The following ERBB4 variants were observed in gnomAD, a reference collection of about 807,000 sequenced individuals.
ERBB4 encodes erb-b2 receptor tyrosine kinase 4.
ERBB4 carries 42 observed loss-of-function variants against 158.0 expected under a neutral mutation model. The observed-to-expected ratio is 0.27, with a 90% CI of 0.21 to 0.34. The LOEUF is 0.34. ERBB4 is among the 10% of genes least tolerant of loss of function. The pLI is 1.00. For synonymous variants in ERBB4, 583 were observed against 558.7 expected (o/e 1.04, Z -0.61); for missense variants, 1,333 against 1,624.1 (o/e 0.82, Z 3.08).
chr2:212,270,768 G>C (rs771432535), intron 1 of ERBB4, among the ~76,000 whole-genome samples: 1 of 151,792 alleles, frequency 6.6e-6, no homozygotes, highest in Admixed American at 6.6e-5. Context: ...TTCAGGGAGA[G>C]AGAAAGCGGG....
chr2:212,317,976 T>C (rs920014426), intron 1 of ERBB4, among the ~76,000 whole-genome samples: 11 of 151,670 alleles, frequency 7.3e-5, no homozygotes, highest in African/African-American at 2.7e-4. Context: ...CAAAACTATA[T>C]GCTTTATCCT....
At chr2:212,189,621 T>C (rs1464984713) in intron 1 of ERBB4, among the ~76,000 whole-genome samples, 3 of 152,178 alleles carry the variant, frequency 2.0e-5, no homozygotes, top group Non-Finnish European at 4.4e-5. Flanking sequence ...TTCATGCCAA[T>C]AAGGGCCTAG....
chr2:211,904,897 C>T (rs563401858), intron 3 of ERBB4, among the ~76,000 whole-genome samples: 9 of 152,100 alleles, frequency 5.9e-5, no homozygotes, highest in Non-Finnish European at 8.8e-5. Context: ...TGTTTATGGT[C>T]AGCATTAGTA....
At chr2:211,772,947 A>ATTT (rs1196602124) in intron 4 of ERBB4, among the ~76,000 whole-genome samples, 2 of 81,774 alleles carry the variant, frequency 2.4e-5, no homozygotes, top group Non-Finnish European at 4.3e-5. Flanking sequence ...ATATATATAT[A>ATTT]TATATATATT....
chr2:212,069,953 A>T (rs1424567276), intron 2 of ERBB4, among the ~76,000 whole-genome samples: 2 of 131,748 alleles, frequency 1.5e-5, no homozygotes, highest in African/African-American at 5.0e-5. Flanking sequence ...ACCATGTCTT[A>T]AAAAAAAGAA....
chr2:212,288,338 T>C lies in ERBB4; in HGVS notation c.83-163435A>G, dbSNP rs559243064. Among the ~76,000 whole-genome samples the C allele has an allele frequency of 2.0e-5, 3 of 152,204 alleles. No individual in the cohort carries two copies. The East Asian group carries it at 5.8e-4, about 30-fold the overall frequency. On this transcript the variant is annotated intron_variant, in intron 1 of 27. Transcript: ENST00000342788. ...TTAGTGTTTCAAGGAGAGAAAATAT[T>C]ACGAGGGCTCTATCTAAGGAAAATG...
At chr2:212,267,431 A>G (rs1462725652) in intron 1 of ERBB4, among the ~76,000 whole-genome samples, 2 of 151,810 alleles carry the variant, frequency 1.3e-5, no homozygotes, top group Admixed American at 6.6e-5. Flanking sequence ...TCTGTGACCT[A>G]TATTTGAATA....
chr2:211,781,341 T>A (rs1265916604), intron 4 of ERBB4, among the ~76,000 whole-genome samples: 2 of 152,198 alleles, frequency 1.3e-5, no homozygotes, highest in African/African-American at 4.8e-5. Flanking sequence ...AAGTAATTAG[T>A]CCTGGAATTA....
intron 20 of ERBB4, among the ~76,000 whole-genome samples, chr2:211,510,686 T>C (rs1398325310): frequency 1.3e-5 from 2 of 152,126 alleles, no homozygotes; most frequent in African/African-American, 2.4e-5. Flanking sequence ...TGTATGATTA[T>C]TAAAAGTCAT....
At chr2:212,302,034 C>G (rs1033102647) in intron 1 of ERBB4, among the ~76,000 whole-genome samples, 9 of 151,332 alleles carry the variant, frequency 5.9e-5, no homozygotes, top group Non-Finnish European at 8.9e-5. Flanking sequence ...TTGATACACT[C>G]TCATTATAAC....
At chr2:212,328,699 C>T (rs2087983330) in intron 1 of ERBB4, among the ~76,000 whole-genome samples, 1 of 152,008 alleles carries the variant, frequency 6.6e-6, no homozygotes, top group Non-Finnish European at 1.5e-5. Context: ...TATTCTGATA[C>T]ACTTCAAGAA....
intron 1 of ERBB4, among the ~76,000 whole-genome samples, chr2:212,227,749 A>C (rs1521642): frequency 0.45 from 67,668 of 151,940 alleles, 17,059 homozygotes; most frequent in East Asian, 0.76. Flanking sequence ...TTTTATCAAT[A>C]TAGACTTTTA....
chr2:211,852,125 T>C (rs2077734872), intron 3 of ERBB4, among the ~76,000 whole-genome samples: 1 of 151,976 alleles, frequency 6.6e-6, no homozygotes, highest in South Asian at 2.1e-4. Flanking sequence ...CTTTTGGGCT[T>C]TGAATGCTTC....
At chr2:212,460,567 G>T (rs984027519) in intron 1 of ERBB4, among the ~76,000 whole-genome samples, 1 of 152,152 alleles carries the variant, frequency 6.6e-6, no homozygotes, top group Non-Finnish European at 1.5e-5. Flanking sequence ...TTTTGCCCCT[G>T]CCCTAGAGAT....
rs2075873484 is a variant in ERBB4 at position 211,776,294 on chromosome 2, A to G, written c.556+11731T>C. On this transcript the variant is annotated intron_variant, in intron 4 of 27. Coordinates refer to ENST00000342788, the MANE Select transcript of ERBB4 (RefSeq NM_005235.3). ...CGAGTTCTATTAGCTTGTGTTAATC[A>G]TATGGCTGTGGTGGCTGGCATGAAG... is the stretch of plus-strand genomic sequence containing the variant. Among the ~76,000 whole-genome samples, 3 of 152,218 alleles carry G rather than the reference A, an allele frequency of 2.0e-5. 1 individual carries two copies.
chr2:211,859,288 T>TA lies in ERBB4; in HGVS notation c.422-71130dup, dbSNP rs558802357. 2.8e-3 allele frequency among the ~76,000 whole-genome samples: 423 copies of TA among 152,318 alleles called. 2 individuals are homozygous for TA. The highest frequency in any genetic ancestry group is 9.9e-3 in the African/African-American group (410 of 41,584). Reference sequence around the variant, plus strand: ...AATCTCTTTCTCTAGAAAAAGTCTTTAGATAAAGGCAGTTCACAAATATAT... The same window carrying TA: ...AATCTCTTTCTCTAGAAAAAGTCTTTAAGATAAAGGCAGTTCACAAATATAT... On this transcript the variant is annotated intron_variant, in intron 3 of 27. Transcript: ENST00000342788.
chr2:211,547,258 T>A (rs978871075), intron 20 of ERBB4, among the ~76,000 whole-genome samples: 6 of 152,134 alleles, frequency 3.9e-5, no homozygotes, highest in Non-Finnish European at 2.9e-5. Context: ...AAAGCTGTAT[T>A]TTTAAAGAGC....
intron 1 of ERBB4, among the ~76,000 whole-genome samples, chr2:212,380,444 T>C (rs550542848): frequency 7.2e-6 from 1 of 139,300 alleles, no homozygotes; most frequent in Non-Finnish European, 1.5e-5. Context: ...CCTCAGATAC[T>C]GAGGAATGAC....
At chr2:211,685,674 G>A (rs1424068301) in intron 12 of ERBB4, among the ~76,000 whole-genome samples, 10 of 152,000 alleles carry the variant, frequency 6.6e-5, no homozygotes, top group Non-Finnish European at 1.5e-5. Context: ...TTGATATTTT[G>A]ATAAGAATTG....
Sources: gnomAD v4.1 joint callset for allele counts (sites outside exome capture counted in the v4.1 genomes callset) on GRCh38, gnomAD v4.1.1 for gene constraint, MANE v1.5 for transcripts, NCBI Gene and HGNC (gene_info 2026-07-23, HGNC 2026-07-21) for gene names.